TBC1D19: variants seen among roughly 807,000 people sequenced by gnomAD.
TBC1D19 encodes the protein TBC1 domain family, member 19.
Under a neutral mutation model 89.0 loss-of-function variants are expected in TBC1D19, and 60 were observed. That is an observed-to-expected ratio of 0.67 (90% confidence interval 0.55 to 0.84). The LOEUF (loss-of-function observed/expected upper bound fraction) is 0.84, where lower values mean the gene tolerates loss of function less well. Ranked by LOEUF, TBC1D19 falls within the 40% of genes least tolerant of loss-of-function variation. The pLI, the probability that TBC1D19 is intolerant of heterozygous loss-of-function variation, is 0.00. For synonymous variants in TBC1D19, 189 were observed against 199.7 expected, an observed-to-expected ratio of 0.95 and a Z score of 0.45; for missense variants, 500 against 610.8, an observed-to-expected ratio of 0.82 and a Z score of 1.91.
At chr4:26,695,288 G>A (rs549940102) in intron 13 of TBC1D19, among the ~76,000 whole-genome samples, 11 of 152,248 alleles carry the variant, frequency 7.2e-5, no homozygotes, top group African/African-American at 2.4e-4. Context: ...GAAATGAAGC[G>A]AGAAGAGAAG....
At chr4:26,835,451 C>T in the TBC1D19 span, among the ~76,000 whole-genome samples, 11 of 152,292 alleles carry the variant, frequency 7.2e-5, no homozygotes, top group African/African-American at 2.6e-4. Flanking sequence ...TTTGTTACAG[C>T]AGCAATAAGA....
intron 1 of TBC1D19, among the ~76,000 whole-genome samples, chr4:26,591,230 GATT>G (rs1739777238): frequency 6.6e-6 from 1 of 151,770 alleles, no homozygotes; most frequent in African/African-American, 2.4e-5. Context: ...CTTGATAGCT[GATT>G]TTTTTTTCTG....
chr4:26,676,796 A>G (rs1282880586), intron 11 of TBC1D19, among the ~76,000 whole-genome samples: 2 of 151,236 alleles, frequency 1.3e-5, no homozygotes, highest in Admixed American at 6.6e-5. Flanking sequence ...CTTTATTGAC[A>G]TATTCCTTTG....
At chr4:26,807,682 C>A in the TBC1D19 span, among the ~76,000 whole-genome samples, 3 of 152,214 alleles carry the variant, frequency 2.0e-5, no homozygotes, top group South Asian at 6.2e-4. Context: ...AGCACCCAGC[C>A]CCCGTAGGTC....
At chr4:26,610,501 T>C (rs1365816789) in intron 1 of TBC1D19, among the ~76,000 whole-genome samples, 1 of 151,884 alleles carries the variant, frequency 6.6e-6, no homozygotes, top group African/African-American at 2.4e-5. Context: ...GTTTGTTATA[T>C]AGGTAAATTG....
chr4:26,619,274 G>A (rs908625918), intron 3 of TBC1D19, among the ~76,000 whole-genome samples: 9 of 149,110 alleles, frequency 6.0e-5, no homozygotes, highest in African/African-American at 2.0e-4. Context: ...GTGCAATCTC[G>A]GCTCACTGCA....
chr4:26,748,673 T>C, intron 19 of TBC1D19, 147 bp downstream of exon 19: 1 of 633,376 alleles, frequency 1.6e-6, no homozygotes, highest in Non-Finnish European at 2.7e-6. Context: ...TGACGATAAG[T>C]ACGAACAAAA....
chr4:26,577,216 A>G (rs956705779), intron 1 of TBC1D19, among the ~76,000 whole-genome samples: 2 of 152,036 alleles, frequency 1.3e-5, no homozygotes, highest in Admixed American at 1.3e-4. Context: ...GCTCTGCTTT[A>G]TAGACTTTGG....
intron 4 of TBC1D19, among the ~76,000 whole-genome samples, chr4:26,622,531 C>T (rs1000799618): frequency 6.6e-6 from 1 of 151,916 alleles, no homozygotes; most frequent in Admixed American, 6.6e-5. Context: ...CTGGACTTTC[C>T]CATGTATATC....
chr4:26,653,951 G>A (rs1284877052), intron 7 of TBC1D19, among the ~76,000 whole-genome samples: 4 of 152,286 alleles, frequency 2.6e-5, no homozygotes, highest in Middle Eastern at 6.8e-3. Context: ...ATTAGTTGAT[G>A]CAGTTTCTTC....
chr4:26,626,229 C>A (rs1038369298), intron 4 of TBC1D19, among the ~76,000 whole-genome samples: 1 of 152,178 alleles, frequency 6.6e-6, no homozygotes. Context: ...AGGAAAGAAA[C>A]CTGTTTAATT....
intron 1 of TBC1D19, among the ~76,000 whole-genome samples, chr4:26,602,533 C>T (rs1050803867): frequency 6.7e-5 from 10 of 150,004 alleles, no homozygotes; most frequent in South Asian, 2.1e-4. Context: ...GCGCCGCCTC[C>T]GGGTTCATGC....
At chr4:26,731,127 A>G (rs1239332688) in intron 15 of TBC1D19, among the ~76,000 whole-genome samples, 1 of 152,228 alleles carries the variant, frequency 6.6e-6, no homozygotes, top group Non-Finnish European at 1.5e-5. Context: ...GTGTAGGAGT[A>G]GTACCTCAAT....
chr4:26,704,352 T>G (rs1339956027), intron 13 of TBC1D19, among the ~76,000 whole-genome samples: 1 of 152,190 alleles, frequency 6.6e-6, no homozygotes, highest in African/African-American at 2.4e-5. Context: ...AAGATATTCA[T>G]AGGAAAGAAT....
At chr4:26,717,873 T>G in intron 13 of TBC1D19, 60 bp from the exon 14 acceptor site, 1 of 1,380,216 alleles carries the variant, frequency 7.2e-7, no homozygotes, top group Non-Finnish European at 1.0e-6. Flanking sequence ...TAGGAAATAA[T>G]GAATTACCTG....
intron 5 of TBC1D19, among the ~76,000 whole-genome samples, chr4:26,638,037 G>C (rs1037901941): frequency 6.6e-6 from 1 of 152,112 alleles, no homozygotes; most frequent in Non-Finnish European, 1.5e-5. Context: ...AGGATAATTT[G>C]TCATCTCTCT....
the TBC1D19 span, among the ~76,000 whole-genome samples, chr4:26,771,176 TAA>T: frequency 1.4e-5 from 2 of 141,852 alleles, no homozygotes. Flanking sequence ...GTGTCTATTA[TAA>T]AAAAAAAAAA....
chr4:26,853,859 C>A, the TBC1D19 span, among the ~76,000 whole-genome samples: 285 of 151,118 alleles, frequency 1.9e-3, 1 homozygote, highest in African/African-American at 6.8e-3. Context: ...AAAATCTGAT[C>A]TTCTTTCTTT....
intron 1 of TBC1D19, among the ~76,000 whole-genome samples, chr4:26,595,613 A>C (rs1429788668): frequency 6.6e-6 from 1 of 152,114 alleles, no homozygotes; most frequent in Non-Finnish European, 1.5e-5. Context: ...GTGTGTTTCT[A>C]GATTCCATCT....
Sources: gnomAD v4.1 joint callset for allele counts (sites outside exome capture counted in the v4.1 genomes callset) on GRCh38, gnomAD v4.1.1 for gene constraint, MANE v1.5 for transcripts, NCBI Gene and HGNC (gene_info 2026-07-23, HGNC 2026-07-21) for gene names.